Variants in SNX27 observed in about 807,000 individuals in gnomAD.
SNX27 encodes sorting nexin-27.
In SNX27, 22 loss-of-function variants were observed where a neutral mutation model predicts 71.6. The ratio of observed to expected loss-of-function variants is 0.31; its 90% CI spans 0.22 to 0.44. The LOEUF is 0.44. Ranked by LOEUF, SNX27 falls within the 20% of genes least tolerant of loss-of-function variation. SNX27 has a pLI of 1.00. For synonymous variants in SNX27, 269 were observed against 277.2 expected (o/e 0.97, Z 0.29); for missense variants, 531 against 698.6 (o/e 0.76, Z 2.70).
At chr1:151,651,206 G>A (rs1265719424) in intron 2 of SNX27, among the ~76,000 whole-genome samples, 5 of 145,376 alleles carry the variant, frequency 3.4e-5, no homozygotes, top group African/African-American at 1.0e-4. Flanking sequence ...CACCTCCCGG[G>A]CGGGGCGGCT....
intron 2 of SNX27, among the ~76,000 whole-genome samples, chr1:151,643,264 T>TTTTATTTATTTA (rs201505831): frequency 0.021 from 2,862 of 139,172 alleles, 40 homozygotes; most frequent in East Asian, 0.049. Context: ...ACGCCTGGCC[T>TTTTATTTATTTA]TTTATTTATT....
At chr1:151,646,541 CTA>C (rs1473433030) in intron 2 of SNX27, among the ~76,000 whole-genome samples, 1 of 148,838 alleles carries the variant, frequency 6.7e-6, no homozygotes, top group African/African-American at 2.5e-5. Context: ...CAGTATATAT[CTA>C]TAATTTATGA....
rs1669647832 is a variant in SNX27, at chr1:151,655,610, A to C, written c.544-2625A>C. Among the ~76,000 whole-genome samples the C allele has an allele frequency of 2.0e-5, 3 of 152,166 alleles. No individual in the cohort carries two copies. The South Asian group carries it at 6.2e-4, about 32-fold the overall frequency. ...GGAGTTACCTCTAGGCAGAAAGCTG[A>C]GATTATGTTAGGGATCATCTTGTTT... On this transcript the variant is annotated intron_variant, in intron 2 of 11. Transcript: ENST00000458013.
intron 2 of SNX27, among the ~76,000 whole-genome samples, chr1:151,640,521 C>T (rs533121349): frequency 9.9e-5 from 15 of 151,952 alleles, no homozygotes; most frequent in African/African-American, 3.1e-4. Flanking sequence ...ATTACAGGTG[C>T]GCACCACCAT....
At chr1:151,633,283 T>G (rs1307885976) in intron 1 of SNX27, among the ~76,000 whole-genome samples, 2 of 152,124 alleles carry the variant, frequency 1.3e-5, no homozygotes, top group Non-Finnish European at 2.9e-5. Context: ...CCAGTCAAGA[T>G]ACAGACAGTT....
chr1:151,695,073 G>A lies in SNX27; in HGVS notation c.*656G>A, dbSNP rs1463197366. Reference sequence around the variant, plus strand: ...TTTTTTTGTATTGAGTATAGATTCCGGCTCATGGGTTGCCATAGAGTCTAG... The same window carrying A: ...TTTTTTTGTATTGAGTATAGATTCCAGCTCATGGGTTGCCATAGAGTCTAG... On this transcript the variant is annotated 3_prime_UTR_variant, in exon 12 of 12. Coordinates refer to ENST00000458013, the MANE Select transcript of SNX27 (RefSeq NM_001330723.2). 6.6e-6 allele frequency: 1 copy of A among 152,448 alleles called. No homozygotes were observed. The highest frequency in any genetic ancestry group is 1.5e-5 in the Non-Finnish European group (1 of 68,012). The allele number at this position is 152,448 out of a possible 1,614,324, so 9.4% of individuals were successfully genotyped here. A position where few individuals can be genotyped will look rare whatever the true frequency, so the allele number is the denominator to read the frequency against.
At chr1:151,666,158 G>T in intron 6 of SNX27, 147 bp downstream of exon 6, 1 of 474,730 alleles carries the variant, frequency 2.1e-6, no homozygotes, top group Non-Finnish European at 3.7e-6. Flanking sequence ...ATTAAACTCA[G>T]GTCATAAGCA....
intron 2 of SNX27, among the ~76,000 whole-genome samples, chr1:151,657,602 T>C (rs1033805684): frequency 6.6e-6 from 1 of 152,258 alleles, no homozygotes; most frequent in Non-Finnish European, 1.5e-5. Context: ...GCTTGCTTAT[T>C]GACTCACTAT....
chr1:151,693,859 A>G, intron 11 of SNX27: 2 of 1,419,902 alleles, frequency 1.4e-6, no homozygotes, highest in Middle Eastern at 2.6e-4. Flanking sequence ...GAGTCCTGGC[A>G]GTCTTTCTAG....
At chr1:151,654,447 G>C (rs954163223) in intron 2 of SNX27, among the ~76,000 whole-genome samples, 1 of 151,818 alleles carries the variant, frequency 6.6e-6, no homozygotes, top group Non-Finnish European at 1.5e-5. Flanking sequence ...CCTCTGCTTG[G>C]TAACAGTGGA....
chr1:151,671,733 G>A (rs1190009706), intron 7 of SNX27, among the ~76,000 whole-genome samples: 1 of 151,992 alleles, frequency 6.6e-6, no homozygotes, highest in African/African-American at 2.4e-5. Context: ...CATGAACATG[G>A]AATACTTTTT....
intron 2 of SNX27, among the ~76,000 whole-genome samples, chr1:151,641,107 C>G (rs762229314): frequency 6.6e-6 from 1 of 152,150 alleles, no homozygotes; most frequent in East Asian, 1.9e-4. Context: ...TTTCATTGTT[C>G]ATGCACATGT....
chr1:151,651,851 G>A (rs565610946), intron 2 of SNX27, among the ~76,000 whole-genome samples: 109 of 151,956 alleles, frequency 7.2e-4, no homozygotes, highest in African/African-American at 1.2e-3. Flanking sequence ...CAAGGCAGGC[G>A]GCTGGGAGGT....
At chr1:151,655,387 T>C (rs565535521) in intron 2 of SNX27, among the ~76,000 whole-genome samples, 81 of 152,330 alleles carry the variant, frequency 5.3e-4, no homozygotes, top group Middle Eastern at 3.4e-3. Context: ...AATAGTTCTT[T>C]CCTTAGATCG....
At chr1:151,691,852 T>C (rs973504387) in intron 8 of SNX27, among the ~76,000 whole-genome samples, 1 of 151,954 alleles carries the variant, frequency 6.6e-6, no homozygotes, top group Non-Finnish European at 1.5e-5. Context: ...GTTAGAAGTA[T>C]GAAGGTGTTG....
intron 7 of SNX27, among the ~76,000 whole-genome samples, chr1:151,672,092 A>G (rs980139475): frequency 6.6e-6 from 1 of 152,192 alleles, no homozygotes; most frequent in African/African-American, 2.4e-5. Flanking sequence ...CTTAGAGGAA[A>G]GACTTTCAGT....
chr1:151,612,628 G>A lies in SNX27; in HGVS notation c.311+116G>A. ...TCCCCCGAGCTCCGAGCCGGCCTCC[G>A]GACCCCCGCCCCTCAGGCCTCCGCA... On this transcript the variant is annotated intron_variant, in intron 1 of 11. Coordinates refer to ENST00000458013, the MANE Select transcript of SNX27 (RefSeq NM_001330723.2). This position sits in a 1 kb window ranked among gnomAD's most constrained non-coding sequence, Gnocchi z 5.2. 2.5e-6 allele frequency: 2 copies of A among 801,674 alleles called. No individual in the cohort carries two copies. Among genetic ancestry groups the A allele is most frequent in the Non-Finnish European group, 1.7e-6 (1 of 600,764 alleles). The allele number at this position is 801,674 out of a possible 1,614,324, so 49.7% of individuals were successfully genotyped here.
intron 8 of SNX27, among the ~76,000 whole-genome samples, chr1:151,687,845 G>A (rs1373522842): frequency 6.6e-6 from 1 of 151,822 alleles, no homozygotes; most frequent in Non-Finnish European, 1.5e-5. Context: ...CTACTCAGGA[G>A]ACTGGGGCAG....
intron 1 of SNX27, among the ~76,000 whole-genome samples, chr1:151,625,784 C>CAAA (rs773796738): frequency 3.6e-5 from 3 of 83,240 alleles, no homozygotes; most frequent in Non-Finnish European, 5.0e-5. Flanking sequence ...ACTCTGTGTC[C>CAAA]AAAAAAAAAA....
Sources: allele counts gnomAD v4.1 joint callset (sites outside exome capture counted in the v4.1 genomes callset), GRCh38; gene constraint gnomAD v4.1.1; non-coding constraint Gnocchi (gnomAD v3.1); transcripts MANE v1.5; gene names NCBI Gene and HGNC (gene_info 2026-07-23, HGNC 2026-07-21).